The following TGM2 variants were observed in gnomAD, a reference collection of about 807,000 sequenced individuals.
The protein encoded by TGM2 is protein-glutamine gamma-glutamyltransferase 2.
TGM2 carries 53 observed loss-of-function variants against 75.6 expected under a neutral mutation model. That is an observed-to-expected ratio of 0.70 (90% CI 0.56 to 0.88). The LOEUF (loss-of-function observed/expected upper bound fraction) is 0.88. Ranked by LOEUF, TGM2 falls within the 40% of genes least tolerant of loss-of-function variation. TGM2 has a pLI of 0.00. For synonymous variants in TGM2, 374 were observed against 381.1 expected (o/e 0.98, Z 0.22); for missense variants, 842 against 928.5 (o/e 0.91, Z 1.21).
chr20:38,130,860 G>A (rs560319690), intron 12 of TGM2, among the ~76,000 whole-genome samples: 26 of 152,286 alleles, frequency 1.7e-4, no homozygotes, highest in Non-Finnish European at 2.8e-4. Flanking sequence ...GCCTATTGAC[G>A]GATGATGTCA....
chr20:38,139,260 A>G, intron 9 of TGM2, 152 bp downstream of exon 9: 1 of 1,103,582 alleles, frequency 9.1e-7, no homozygotes, highest in Non-Finnish European at 1.3e-6. Context: ...CCTGTTTCTA[A>G]GGCATTGCTG....
Position 38,156,003 on chromosome 20 carries a change from C to T in TGM2, c.277G>A (p.Val93Met), listed in dbSNP as rs1453326312. Residue 93 changes from valine (V) to methionine (M), a missense_variant, in exon 3 of 13, where the codon GTG becomes ATG. Coordinates refer to ENST00000361475, the MANE Select transcript of TGM2 (RefSeq NM_004613.4). Reference sequence around the variant, plus strand: ...GAGAGGGTGCAGTCTTGCTGGTCCACCACGGTGGCTGTCCAGTCACCCTCC... The same window carrying T: ...GAGAGGGTGCAGTCTTGCTGGTCCATCACGGTGGCTGTCCAGTCACCCTCC... ...VEEGDWTATV[V>M]DQQDCTLSLQ... The T allele has an allele frequency of 1.9e-6, 3 of 1,613,658 alleles. No homozygotes were observed. The highest frequency in any genetic ancestry group is 1.3e-5 in the African/African-American group (1 of 74,950).
At chr20:38,164,503 A>G (rs763463719) in intron 1 of TGM2, among the ~76,000 whole-genome samples, 4 of 152,204 alleles carry the variant, frequency 2.6e-5, no homozygotes, top group Non-Finnish European at 5.9e-5. Context: ...CGTTCCTCAC[A>G]GATGCACCAA....
Position 38,138,237 on chromosome 20 carries a change from GT to G in TGM2, c.1490del (p.Asn497ThrfsTer133). ...GGCAGACGTACTCCTCAGCGGTGTT[GT>G]TGGTGATGTGGGCAAAGACGTCAAA... ...SDFDVFAHIT[N>X]NTAEEYVCRL... On this transcript the variant is annotated frameshift_variant, in exon 10 of 13. Transcript: ENST00000361475. LOFTEE classifies it high-confidence loss of function. 6.2e-7 allele frequency: 1 copy of G among 1,613,482 alleles called. No homozygotes were observed.
intron 3 of TGM2, among the ~76,000 whole-genome samples, chr20:38,153,073 G>A (rs896923881): frequency 2.0e-5 from 3 of 151,990 alleles, no homozygotes; most frequent in Non-Finnish European, 4.4e-5. Flanking sequence ...CTTCTGTCCC[G>A]AGAAATCATT....
At chr20:38,145,700 C>A (rs1216617273) in intron 6 of TGM2, 1 of 151,026 alleles carries the variant, frequency 6.6e-6, no homozygotes, top group Non-Finnish European at 1.5e-5. Flanking sequence ...GGACACACAG[C>A]TGGTAAGAAG....
intron 12 of TGM2, 119 bp from the exon 13 acceptor site, chr20:38,130,488 C>T (rs991456940): frequency 2.6e-6 from 3 of 1,155,214 alleles, no homozygotes; most frequent in South Asian, 3.1e-5. Context: ...ATGAATGGGC[C>T]TCATTCTCGG....
chr20:38,127,472 T>C lies in TGM2; in HGVS notation c.*2747A>G, dbSNP rs553380062. The C allele has an allele frequency of 1.6e-4, 91 of 573,622 alleles. No individual in the cohort carries two copies. The highest frequency in any genetic ancestry group is 1.9e-4 in the Non-Finnish European group (87 of 453,654). The allele number at this position is 573,622 out of a possible 1,614,324, so 35.5% of individuals were successfully genotyped here. ...TTCCCAAGGGTGGGGACTGTCCCCA[T>C]CATCTATTCATTCAACAGATACTCA... On this transcript the variant is annotated 3_prime_UTR_variant, in exon 13 of 13. Transcript: ENST00000361475.
intron 6 of TGM2, 78 bp downstream of exon 6, chr20:38,146,639 G>C (rs758555031): frequency 6.5e-7 from 1 of 1,549,794 alleles, no homozygotes; most frequent in Non-Finnish European, 8.8e-7. Flanking sequence ...ACCAGGGCAG[G>C]GATGTCCTGA....
intron 2 of TGM2, 113 bp downstream of exon 2, chr20:38,161,306 AC>A: frequency 7.2e-7 from 1 of 1,391,580 alleles, no homozygotes; most frequent in Admixed American, 2.0e-5. Context: ...CTCCCAGGGA[AC>A]AAAGAAGGTA....
chr20:38,139,284 G>C (rs1414549088), intron 9 of TGM2, 128 bp downstream of exon 9: 1 of 1,341,166 alleles, frequency 7.5e-7, no homozygotes, highest in East Asian at 2.4e-5. Flanking sequence ...ATGGAGTATA[G>C]CCTACGGGGC....
At chr20:38,130,896 G>T (rs1323513206) in intron 12 of TGM2, among the ~76,000 whole-genome samples, 197 bp downstream of exon 12, 1 of 152,174 alleles carries the variant, frequency 6.6e-6, no homozygotes, top group African/African-American at 2.4e-5. Context: ...GCAGATCTGT[G>T]CATGGGTGGT....
At chr20:38,141,198 T>TA in intron 8 of TGM2, 84 bp downstream of exon 8, 1 of 1,174,322 alleles carries the variant, frequency 8.5e-7, no homozygotes, top group South Asian at 1.3e-5. Flanking sequence ...AGCTCCTAGT[T>TA]CTGCCGCCCT....
At chr20:38,167,589 T>C (rs1275682359), upstream of TGM2, among the ~76,000 whole-genome samples, 1 of 152,186 alleles carries the variant, frequency 6.6e-6, no homozygotes, top group Non-Finnish European at 1.5e-5. Context: ...TCTGCACGCC[T>C]CGACCTCCCA....
rs1468561658 is a variant in TGM2 at position 38,138,339 on chromosome 20, G to T, written c.1389C>A (p.Asn463Lys). 1 of 1,614,186 alleles carries T rather than the reference G, an allele frequency of 6.2e-7. No homozygotes were observed. The highest frequency in any genetic ancestry group is 1.1e-5 in the South Asian group (1 of 91,074). The change falls in exon 10 of 13, where the codon AAC becomes AAA. Residue 463 changes from asparagine (N) to lysine (K), a missense_variant. By Grantham distance (94) the Asn-to-Lys change is moderately conservative (BLOSUM62 0). Coordinates refer to ENST00000361475, the MANE Select transcript of TGM2 (RefSeq NM_004613.4). ...REAFTRANHL[N>K]KLAEKEETGM... ...CTGTCTCCTCCTTCTCGGCCAGTTTGTTCAGGTGGTTCGCCCTTGTGAAGG... is the reference window on the plus strand; with the variant it reads ...CTGTCTCCTCCTTCTCGGCCAGTTTTTTCAGGTGGTTCGCCCTTGTGAAGG...
At chr20:38,143,960 C>T (rs537310142) in intron 6 of TGM2, among the ~76,000 whole-genome samples, 3 of 152,300 alleles carry the variant, frequency 2.0e-5, no homozygotes, top group South Asian at 2.1e-4. Context: ...ATGACCTCCC[C>T]CTCTTGCCTG....
intron 10 of TGM2, among the ~76,000 whole-genome samples, chr20:38,134,403 G>A (rs1016812566): frequency 6.6e-6 from 1 of 152,192 alleles, no homozygotes; most frequent in Admixed American, 6.5e-5. Flanking sequence ...ATTCTAGCTA[G>A]CTCCACAGGA....
rs779902045 is a variant in TGM2 at position 38,131,207 on chromosome 20, T to G, written c.1799A>C (p.Lys600Thr). 1 of 1,613,964 alleles carries G rather than the reference T, an allele frequency of 6.2e-7. No individual in the cohort carries two copies. Among genetic ancestry groups the G allele is most frequent in the Non-Finnish European group, 8.5e-7 (1 of 1,180,020 alleles). ...KIRILGEPKQ[K>T]RKLVAEVSLQ... ...GGACACCTCAGCCACCAGCTTGCGT[T>G]TCTGCTTGGGCTCCCCAAGGATCTG... The change falls in exon 12 of 13, where the codon AAA becomes ACA. Residue 600 changes from lysine to threonine, a missense_variant. Coordinates refer to ENST00000361475, the MANE Select transcript of TGM2 (RefSeq NM_004613.4).
intron 8 of TGM2, among the ~76,000 whole-genome samples, chr20:38,140,743 T>TC (rs1237501123): frequency 6.6e-6 from 1 of 152,264 alleles, no homozygotes; most frequent in Non-Finnish European, 1.5e-5. Context: ...TATCATAAAT[T>TC]CATTTTTTAA....
Sources: allele counts gnomAD v4.1 joint callset (sites outside exome capture counted in the v4.1 genomes callset), GRCh38; gene constraint gnomAD v4.1.1; transcripts MANE v1.5; gene names NCBI Gene and HGNC (gene_info 2026-07-23, HGNC 2026-07-21).